The following DNAJC12 variants were observed in gnomAD, a reference collection of about 807,000 sequenced individuals.
DNAJC12 encodes the protein DnaJ heat shock protein family (Hsp40) member C12.
A neutral mutation model predicts 28.5 loss-of-function variants in DNAJC12; 25 were observed. The observed-to-expected ratio is 0.88, with a 90% CI of 0.64 to 1.22. The LOEUF (loss-of-function observed/expected upper bound fraction) is 1.22, where lower values mean the gene tolerates loss of function less well. Among genes scored for constraint, DNAJC12 ranks in the 50% most tolerant of loss-of-function variants. DNAJC12 has a pLI of 0.00. For synonymous variants in DNAJC12, 77 were observed against 80.6 expected, an observed-to-expected ratio of 0.95 and a Z score of 0.24; for missense variants, 222 against 231.7, an observed-to-expected ratio of 0.96 and a Z score of 0.27.
At chr10:67,804,898 G>A (rs1841783082) in intron 4 of DNAJC12, among the ~76,000 whole-genome samples, 1 of 152,134 alleles carries the variant, frequency 6.6e-6, no homozygotes, top group East Asian at 1.9e-4. Context: ...CAGGCATCAT[G>A]GCAGGCGCCT....
At chr10:67,814,913 G>T (rs1841898394) in intron 2 of DNAJC12, among the ~76,000 whole-genome samples, 1 of 152,094 alleles carries the variant, frequency 6.6e-6, no homozygotes, top group Admixed American at 6.6e-5. Context: ...AATGTAAAGT[G>T]GTATATAGTC....
At chr10:67,807,700 G>T (rs1397855228) in intron 3 of DNAJC12, among the ~76,000 whole-genome samples, 1 of 152,220 alleles carries the variant, frequency 6.6e-6, no homozygotes, top group Non-Finnish European at 1.5e-5. Flanking sequence ...TCACAAGCCA[G>T]CAAAGTGGCC....
intron 2 of DNAJC12, among the ~76,000 whole-genome samples, chr10:67,819,414 G>A (rs984628306): frequency 6.6e-6 from 1 of 151,718 alleles, no homozygotes; most frequent in East Asian, 2.0e-4. Context: ...CGAGGCAGGC[G>A]AATCACCTGA....
intron 1 of DNAJC12, among the ~76,000 whole-genome samples, chr10:67,835,747 C>CACACACACAT (rs111959175): frequency 9.5e-5 from 14 of 147,940 alleles, no homozygotes; most frequent in African/African-American, 3.0e-4. Flanking sequence ...CACACACACA[C>CACACACACAT]ATATATATAA....
chr10:67,810,960 AAT>A (rs988419178), intron 3 of DNAJC12: 1 of 152,324 alleles, frequency 6.6e-6, no homozygotes, highest in Non-Finnish European at 1.5e-5. Flanking sequence ...GAACAAAATA[AAT>A]ATATGACAGT....
intron 4 of DNAJC12, among the ~76,000 whole-genome samples, chr10:67,800,683 T>C (rs1404494491): frequency 1.3e-5 from 2 of 152,204 alleles, no homozygotes; most frequent in Middle Eastern, 3.4e-3. Flanking sequence ...CGGCGGCTCA[T>C]GCCTGTAATC....
At chr10:67,835,485 A>G (rs181384130) in intron 1 of DNAJC12, among the ~76,000 whole-genome samples, 33 of 152,214 alleles carry the variant, frequency 2.2e-4, no homozygotes, top group African/African-American at 7.0e-4. Context: ...AGGTCAAGAG[A>G]TGAAGACCAT....
At chr10:67,825,038 C>A (rs557061425) in intron 1 of DNAJC12, among the ~76,000 whole-genome samples, 1 of 151,962 alleles carries the variant, frequency 6.6e-6, no homozygotes, top group Middle Eastern at 3.2e-3. Context: ...CCTGGGAAGA[C>A]GGCTTGGTTT....
intron 3 of DNAJC12, among the ~76,000 whole-genome samples, chr10:67,809,242 C>T (rs1460637720): frequency 6.6e-6 from 1 of 152,062 alleles, no homozygotes; most frequent in Non-Finnish European, 1.5e-5. Context: ...ATCCATGCTG[C>T]CATATATTTT....
chr10:67,838,079 A>G lies in DNAJC12; in HGVS notation c.-68T>C. 1.9e-6 allele frequency: 2 copies of G among 1,075,496 alleles called. No homozygotes were observed. The highest frequency in any genetic ancestry group is 1.4e-5 in the South Asian group (1 of 72,710). The allele number at this position is 1,075,496 out of a possible 1,614,324, so 66.6% of individuals were successfully genotyped here. A position where few individuals can be genotyped will look rare whatever the true frequency, so the allele number is the denominator to read the frequency against. ...CACAGTGAGCTTCGAATTAACAGGA[A>G]GAAACTCTTTAAATCTGAATTAGAG... On this transcript the variant is annotated 5_prime_UTR_variant, in exon 1 of 5. Coordinates refer to ENST00000225171, the MANE Select transcript of DNAJC12 (RefSeq NM_021800.3).
At chr10:67,814,036 CA>C (rs34125048) in intron 2 of DNAJC12, among the ~76,000 whole-genome samples, 1,309 of 123,156 alleles carry the variant, frequency 0.011, 15 homozygotes, top group African/African-American at 0.043. Context: ...CCAGAATTGC[CA>C]AAAAAAAAAA....
intron 1 of DNAJC12, among the ~76,000 whole-genome samples, chr10:67,836,510 T>G (rs1842144135): frequency 6.6e-6 from 1 of 152,198 alleles, no homozygotes; most frequent in Non-Finnish European, 1.5e-5. Flanking sequence ...TTTTAAATTA[T>G]TCCTTCAAAA....
intron 4 of DNAJC12, among the ~76,000 whole-genome samples, chr10:67,800,959 CT>C (rs1224042561): frequency 6.6e-6 from 1 of 151,794 alleles, no homozygotes; most frequent in Admixed American, 6.6e-5. Context: ...AAAAAAATTT[CT>C]TTCTCTTTTT....
intron 2 of DNAJC12, among the ~76,000 whole-genome samples, chr10:67,819,756 AAG>A (rs1841962065): frequency 4.9e-5 from 1 of 20,310 alleles, no homozygotes; most frequent in African/African-American, 1.9e-4. Context: ...GGAAGGAAGG[AAG>A]GAAGGAAGGA....
intron 3 of DNAJC12, chr10:67,808,606 A>AACACACACAC (rs144660170): frequency 6.6e-6 from 1 of 151,080 alleles, no homozygotes; most frequent in Admixed American, 6.6e-5. Context: ...ATTCCATTAA[A>AACACACACAC]ACACACACAC....
intron 1 of DNAJC12, among the ~76,000 whole-genome samples, chr10:67,823,818 T>A (rs1308674559): frequency 6.6e-6 from 1 of 152,186 alleles, no homozygotes; most frequent in Non-Finnish European, 1.5e-5. Context: ...TATTTTGACT[T>A]TTTCCTCTAA....
chr10:67,812,535 C>T (rs1000313748), intron 2 of DNAJC12, among the ~76,000 whole-genome samples: 2 of 152,084 alleles, frequency 1.3e-5, no homozygotes, highest in African/African-American at 4.8e-5. Flanking sequence ...AAACTTTCTG[C>T]AGAGCAGAAT....
At chr10:67,835,626 G>T (rs1009483735) in intron 1 of DNAJC12, among the ~76,000 whole-genome samples, 4 of 151,418 alleles carry the variant, frequency 2.6e-5, no homozygotes, top group African/African-American at 9.7e-5. Context: ...GGAGGCGGAG[G>T]TTGCAGTGAC....
intron 1 of DNAJC12, chr10:67,834,048 T>C (rs1288627448): frequency 9.0e-6 from 4 of 446,192 alleles, no homozygotes; most frequent in Non-Finnish European, 1.8e-5. Flanking sequence ...CCAAAATCAG[T>C]GAAGCTAGAA....
Sources: allele counts gnomAD v4.1 joint callset (sites outside exome capture counted in the v4.1 genomes callset), GRCh38; gene constraint gnomAD v4.1.1; transcripts MANE v1.5; gene names NCBI Gene and HGNC (gene_info 2026-07-23, HGNC 2026-07-21).